PCDH9: variants seen among roughly 807,000 people sequenced by gnomAD.
PCDH9 encodes protocadherin-9.
PCDH9 carries 24 observed loss-of-function variants against 70.6 expected under a neutral mutation model. The ratio of observed to expected loss-of-function variants is 0.34; its 90% confidence interval spans 0.25 to 0.48. The LOEUF (loss-of-function observed/expected upper bound fraction) is 0.48. PCDH9 is among the 20% of genes least tolerant of loss of function. The pLI is 0.99. For synonymous variants in PCDH9, 562 were observed against 558.5 expected (o/e 1.01, Z -0.09); for missense variants, 1,281 against 1,503.6 (o/e 0.85, Z 2.45).
intron 4 of PCDH9, among the ~76,000 whole-genome samples, chr13:66,625,512 T>C (rs2077486277): frequency 6.6e-6 from 1 of 152,232 alleles, no homozygotes; most frequent in African/African-American, 2.4e-5. Flanking sequence ...TGAATGCTGA[T>C]GTAATCGTTT....
chr13:66,566,287 C>G (rs567192012), intron 4 of PCDH9, among the ~76,000 whole-genome samples: 1 of 152,140 alleles, frequency 6.6e-6, no homozygotes, highest in African/African-American at 2.4e-5. Context: ...TCAGTAGACT[C>G]TGAGACTCCT....
intron 4 of PCDH9, among the ~76,000 whole-genome samples, chr13:66,564,560 C>T (rs944589126): frequency 6.6e-6 from 1 of 152,032 alleles, no homozygotes; most frequent in Non-Finnish European, 1.5e-5. Flanking sequence ...AGTGTTAATA[C>T]ATATGATGTC....
chr13:66,420,393 A>C (rs569809207), intron 4 of PCDH9, among the ~76,000 whole-genome samples: 27 of 152,320 alleles, frequency 1.8e-4, no homozygotes, highest in African/African-American at 6.5e-4. Context: ...ACCTCCCAGC[A>C]GGGGTCAACA....
intron 4 of PCDH9, among the ~76,000 whole-genome samples, chr13:66,334,825 C>T (rs1031712007): frequency 6.6e-6 from 1 of 152,036 alleles, no homozygotes; most frequent in Non-Finnish European, 1.5e-5. Context: ...TTATAAAGAT[C>T]AGATAAAGGC....
chr13:66,777,592 C>T (rs1278424009), intron 3 of PCDH9, among the ~76,000 whole-genome samples: 6 of 152,048 alleles, frequency 3.9e-5, no homozygotes, highest in African/African-American at 1.4e-4. Context: ...TACCATCTCA[C>T]ACCAGTTAGA....
chr13:66,451,169 A>T (rs927684218), intron 4 of PCDH9, among the ~76,000 whole-genome samples: 11 of 152,228 alleles, frequency 7.2e-5, no homozygotes, highest in Non-Finnish European at 1.3e-4. Flanking sequence ...TGAAAAATAT[A>T]TTTTAAAAAT....
intron 4 of PCDH9, among the ~76,000 whole-genome samples, chr13:66,408,083 G>T (rs992151394): frequency 3.0e-5 from 4 of 134,472 alleles, no homozygotes; most frequent in Admixed American, 2.7e-4. Context: ...ACGGAGTCTC[G>T]CTCTGTCGCC....
At chr13:67,140,567 A>C (rs2087356920) in intron 2 of PCDH9, among the ~76,000 whole-genome samples, 1 of 152,256 alleles carries the variant, frequency 6.6e-6, no homozygotes, top group Non-Finnish European at 1.5e-5. Context: ...AATTACCTTC[A>C]GTGCTTTATA....
intron 2 of PCDH9, among the ~76,000 whole-genome samples, chr13:67,020,136 A>G (rs2084646326): frequency 6.6e-6 from 1 of 152,170 alleles, no homozygotes; most frequent in African/African-American, 2.4e-5. Flanking sequence ...TCTGTAGTAT[A>G]TGTTTCTTTT....
At chr13:67,214,525 T>A (rs887637796) in intron 2 of PCDH9, 3 of 152,072 alleles carry the variant, frequency 2.0e-5, no homozygotes, top group African/African-American at 7.2e-5. Context: ...GGGACGTAAA[T>A]TCATTACAAA....
chr13:67,075,428 T>C (rs1474301204), intron 2 of PCDH9, among the ~76,000 whole-genome samples: 1 of 152,042 alleles, frequency 6.6e-6, no homozygotes, highest in Non-Finnish European at 1.5e-5. Flanking sequence ...GCTCACTAGG[T>C]GGGGTACAAG....
intron 4 of PCDH9, among the ~76,000 whole-genome samples, chr13:66,628,958 T>A (rs561923083): frequency 9.1e-4 from 138 of 152,364 alleles, no homozygotes; most frequent in African/African-American, 3.2e-3. Context: ...CTTTGCTTTC[T>A]AGTTGAAATA....
chr13:66,604,150 C>T (rs145849398), intron 4 of PCDH9, among the ~76,000 whole-genome samples: 4 of 152,152 alleles, frequency 2.6e-5, no homozygotes, highest in African/African-American at 9.6e-5. Flanking sequence ...TTTCCCCTTG[C>T]TCACACTTTA....
At chr13:67,047,153 A>G (rs552902932) in intron 2 of PCDH9, among the ~76,000 whole-genome samples, 1 of 150,398 alleles carries the variant, frequency 6.6e-6, no homozygotes, top group South Asian at 2.1e-4. Flanking sequence ...TAGTGCCAAA[A>G]GCAGCTAAAA....
intron 3 of PCDH9, among the ~76,000 whole-genome samples, chr13:66,733,677 C>CTT (rs11366736): frequency 0.46 from 68,136 of 147,074 alleles, 17,240 homozygotes; most frequent in Middle Eastern, 0.59. Context: ...TAAAGGTAGG[C>CTT]TTTTTTTTTT....
intron 4 of PCDH9, among the ~76,000 whole-genome samples, chr13:66,518,450 CA>C (rs1959842787): frequency 6.6e-6 from 1 of 152,048 alleles, no homozygotes; most frequent in African/African-American, 2.4e-5. Flanking sequence ...TTAAAAGTTT[CA>C]AAAGTGAAAT....
chr13:66,359,094 CAT>C (rs538616192), intron 4 of PCDH9, among the ~76,000 whole-genome samples: 41 of 152,072 alleles, frequency 2.7e-4, no homozygotes, highest in Admixed American at 2.0e-3. Context: ...TAAGGTGAAA[CAT>C]AGAACACAGT....
At chr13:66,351,999 C>T (rs1019897727) in intron 4 of PCDH9, among the ~76,000 whole-genome samples, 5 of 152,120 alleles carry the variant, frequency 3.3e-5, no homozygotes, top group Non-Finnish European at 5.9e-5. Context: ...CCACGCCCAG[C>T]TGATTTTTGT....
intron 4 of PCDH9, among the ~76,000 whole-genome samples, chr13:66,423,421 A>G (rs538058832): frequency 6.6e-6 from 1 of 152,172 alleles, no homozygotes; most frequent in Non-Finnish European, 1.5e-5. Context: ...TCATTGCGAA[A>G]ATCCTCAATA....
Sources: gnomAD v4.1 joint callset for allele counts (sites outside exome capture counted in the v4.1 genomes callset) on GRCh38, gnomAD v4.1.1 for gene constraint, MANE v1.5 for transcripts, NCBI Gene and HGNC (gene_info 2026-07-23, HGNC 2026-07-21) for gene names.